GNA12: variants seen among roughly 807,000 people sequenced by gnomAD.
The protein encoded by GNA12 is G protein subunit alpha 12.
In GNA12, 9 loss-of-function variants were observed where a neutral mutation model predicts 26.0. That is an observed-to-expected ratio of 0.35 (90% CI 0.21 to 0.60). The LOEUF is 0.60. GNA12 is among the 20% of genes least tolerant of loss of function. The pLI, the probability that GNA12 is intolerant of heterozygous loss-of-function variation, is 0.78. For missense variants in GNA12, 405 were observed against 525.8 expected, an observed-to-expected ratio of 0.77 and a Z score of 2.25; for synonymous variants, 264 against 219.6, an observed-to-expected ratio of 1.20 and a Z score of -1.79.
At chr7:2,763,476 C>T (rs993498656) in intron 2 of GNA12, 3 of 152,338 alleles carry the variant, frequency 2.0e-5, no homozygotes, top group Non-Finnish European at 1.5e-5. Flanking sequence ...CGAGCTCCCT[C>T]AACCCCGGCA....
intron 2 of GNA12, among the ~76,000 whole-genome samples, chr7:2,775,752 C>G (rs899745193): frequency 9.9e-5 from 15 of 152,284 alleles, no homozygotes; most frequent in Admixed American, 2.6e-4. Flanking sequence ...TGGAAGAGAC[C>G]TCAGAGGCTC....
At chr7:2,830,940 C>CA (rs1002287319) in intron 1 of GNA12, among the ~76,000 whole-genome samples, 3 of 143,924 alleles carry the variant, frequency 2.1e-5, no homozygotes, top group South Asian at 2.2e-4. Flanking sequence ...GACCCTGTCT[C>CA]AAAAAAATTA....
At chr7:2,843,816 A>G in intron 1 of GNA12, 37 bp downstream of exon 1, 1 of 1,273,850 alleles carries the variant, frequency 7.9e-7, no homozygotes, top group Non-Finnish European at 1.0e-6. Flanking sequence ...GCCCCGGCCC[A>G]CCTGGGTGCA....
At chr7:2,752,967 C>A (rs1001368623) in intron 2 of GNA12, among the ~76,000 whole-genome samples, 6 of 152,160 alleles carry the variant, frequency 3.9e-5, no homozygotes, top group African/African-American at 1.2e-4. Context: ...AACTGTCCCA[C>A]CACAACGGTC....
chr7:2,750,994 C>T (rs535189264), intron 2 of GNA12, among the ~76,000 whole-genome samples: 1 of 152,260 alleles, frequency 6.6e-6, no homozygotes, highest in Non-Finnish European at 1.5e-5. Context: ...CAATGTACAT[C>T]AGAAAGTATT....
At chr7:2,790,948 TG>T (rs1792502280) in intron 2 of GNA12, among the ~76,000 whole-genome samples, 1 of 147,782 alleles carries the variant, frequency 6.8e-6, no homozygotes, top group Non-Finnish European at 1.5e-5. Flanking sequence ...TACTCCGGCC[TG>T]GAAGGCAGAG....
chr7:2,779,701 T>C (rs1792172627), intron 2 of GNA12, among the ~76,000 whole-genome samples: 1 of 152,042 alleles, frequency 6.6e-6, no homozygotes, highest in Non-Finnish European at 1.5e-5. Flanking sequence ...GGGGTTCAAG[T>C]GATTCTCATG....
intron 1 of GNA12, among the ~76,000 whole-genome samples, chr7:2,838,750 T>C (rs1339670780): frequency 6.6e-6 from 1 of 152,176 alleles, no homozygotes; most frequent in Non-Finnish European, 1.5e-5. Flanking sequence ...TAAGTGGCTA[T>C]ATTAAAATAT....
intron 2 of GNA12, 118 bp from the exon 3 acceptor site, chr7:2,733,619 C>A: frequency 3.1e-5 from 23 of 745,068 alleles, no homozygotes; most frequent in Admixed American, 1.7e-4. Flanking sequence ...AATGGGAAAG[C>A]AAAGGAAAAA....
At chr7:2,737,379 C>G (rs1444905266) in intron 2 of GNA12, among the ~76,000 whole-genome samples, 1 of 144,160 alleles carries the variant, frequency 6.9e-6, no homozygotes, top group Non-Finnish European at 1.5e-5. Flanking sequence ...ACCTCTGCCT[C>G]CTGGGTTCAA....
At chr7:2,761,934 G>A (rs1178068905) in intron 2 of GNA12, among the ~76,000 whole-genome samples, 3 of 152,154 alleles carry the variant, frequency 2.0e-5, no homozygotes, top group African/African-American at 4.8e-5. Flanking sequence ...CAAATGTAAG[G>A]GAAAAATGTG....
intron 2 of GNA12, among the ~76,000 whole-genome samples, chr7:2,752,039 T>C (rs1232440670): frequency 6.6e-6 from 1 of 152,008 alleles, no homozygotes; most frequent in Non-Finnish European, 1.5e-5. Flanking sequence ...CCGACAAGAT[T>C]ATCAAAAAAG....
intron 2 of GNA12, 92 bp from the exon 3 acceptor site, chr7:2,733,593 ATTTCGCCTCCG>A: frequency 1.1e-6 from 1 of 944,672 alleles, no homozygotes; most frequent in African/African-American, 1.6e-5. Flanking sequence ...GAGCAGTGGC[ATTTCGCCTCCG>A]TGTGAATGGG....
intron 1 of GNA12, among the ~76,000 whole-genome samples, chr7:2,823,547 G>A (rs770844979): frequency 6.6e-6 from 1 of 152,132 alleles, no homozygotes; most frequent in Non-Finnish European, 1.5e-5. Flanking sequence ...AAATAAAACT[G>A]TTCGGGAAGA....
intron 1 of GNA12, among the ~76,000 whole-genome samples, chr7:2,841,070 C>T (rs1179774921): frequency 6.6e-6 from 1 of 152,172 alleles, no homozygotes; most frequent in Non-Finnish European, 1.5e-5. Context: ...ACTAGGATAC[C>T]AGTTAACACA....
At chr7:2,788,797 CG>C (rs1562429012) in intron 2 of GNA12, among the ~76,000 whole-genome samples, 1 of 152,144 alleles carries the variant, frequency 6.6e-6, no homozygotes, top group African/African-American at 2.4e-5. Context: ...AGAGCTCAGC[CG>C]GCCTTGCCCC....
At chr7:2,766,185 C>G (rs1018777851) in intron 2 of GNA12, among the ~76,000 whole-genome samples, 2 of 152,158 alleles carry the variant, frequency 1.3e-5, no homozygotes, top group Non-Finnish European at 2.9e-5. Context: ...CATTTGACTA[C>G]TTCAGGTTAT....
chr7:2,824,083 C>T (rs1793426794), intron 1 of GNA12, among the ~76,000 whole-genome samples: 1 of 152,166 alleles, frequency 6.6e-6, no homozygotes, highest in South Asian at 2.1e-4. Context: ...ATGGTATTTT[C>T]AACATCAACA....
At chr7:2,839,073 G>A (rs2533878) in intron 1 of GNA12, among the ~76,000 whole-genome samples, 36,757 of 152,092 alleles carry the variant, frequency 0.24, 5,194 homozygotes, top group Non-Finnish European at 0.3. Context: ...ATGTACTTAC[G>A]GGATGTTCAC....
Sources: allele counts gnomAD v4.1 joint callset (sites outside exome capture counted in the v4.1 genomes callset), GRCh38; gene constraint gnomAD v4.1.1; transcripts MANE v1.5; gene names NCBI Gene and HGNC (gene_info 2026-07-23, HGNC 2026-07-21).